The following GLRA3 variants were observed in gnomAD, a reference collection of about 807,000 sequenced individuals.
GLRA3 encodes the protein glycine receptor subunit alpha-3.
In GLRA3, 44 loss-of-function variants were observed where a neutral mutation model predicts 60.4. The observed-to-expected ratio is 0.73, with a 90% CI of 0.57 to 0.94. GLRA3 has a LOEUF of 0.94. Among genes scored for constraint, GLRA3 ranks in the 40% least tolerant of loss-of-function variants. The pLI is 0.00. For missense variants in GLRA3, 508 were observed against 564.6 expected, an observed-to-expected ratio of 0.90 and a Z score of 1.02; for synonymous variants, 223 against 192.9, an observed-to-expected ratio of 1.16 and a Z score of -1.29.
intron 3 of GLRA3, among the ~76,000 whole-genome samples, chr4:174,755,022 A>G (rs1440605657): frequency 6.6e-6 from 1 of 152,122 alleles, no homozygotes; most frequent in East Asian, 1.9e-4. Context: ...ATTATCCAAC[A>G]TTAACTTGAT....
intron 3 of GLRA3, among the ~76,000 whole-genome samples, chr4:174,748,948 C>A (rs544867967): frequency 1.2e-4 from 19 of 152,232 alleles, no homozygotes; most frequent in African/African-American, 4.6e-4. Flanking sequence ...GAGACAAAGC[C>A]ATGATCTGCT....
chr4:174,807,488 A>G (rs1740097651), intron 1 of GLRA3, among the ~76,000 whole-genome samples: 1 of 152,074 alleles, frequency 6.6e-6, no homozygotes, highest in African/African-American at 2.4e-5. Flanking sequence ...ATATGTATCT[A>G]TCCAGAAAAT....
intron 1 of GLRA3, among the ~76,000 whole-genome samples, chr4:174,804,135 A>G (rs770015142): frequency 6.6e-6 from 1 of 152,168 alleles, no homozygotes; most frequent in Non-Finnish European, 1.5e-5. Flanking sequence ...ATATCAGTTT[A>G]TATAAAACTC....
intron 3 of GLRA3, among the ~76,000 whole-genome samples, chr4:174,733,689 G>A (rs1420052211): frequency 6.6e-6 from 1 of 152,194 alleles, no homozygotes; most frequent in Non-Finnish European, 1.5e-5. Context: ...TGCCTTTGCA[G>A]AAGAAACCTC....
At chr4:174,797,407 C>T (rs1739615432) in intron 1 of GLRA3, among the ~76,000 whole-genome samples, 1 of 152,184 alleles carries the variant, frequency 6.6e-6, no homozygotes, top group South Asian at 2.1e-4. Flanking sequence ...CTCTTCTTTT[C>T]TGTGCTGCAC....
intron 3 of GLRA3, among the ~76,000 whole-genome samples, chr4:174,765,868 T>A (rs1738117745): frequency 6.6e-6 from 1 of 151,990 alleles, no homozygotes; most frequent in African/African-American, 2.4e-5. Flanking sequence ...CTTATTGTAG[T>A]TAAGCTATAC....
At position 174,709,536 on chromosome 4, in the gene GLRA3, A is replaced by C. The variant is rs577405388; in HGVS notation, c.574+5952T>G. On this transcript the variant is annotated intron_variant, in intron 5 of 9. Transcript: ENST00000274093. ...AAAAGAGAGAAAATAAATGAAAGCA[A>C]CACGTTTTCTTCATACCTAAAAGCA... 9.8e-4 allele frequency among the ~76,000 whole-genome samples: 149 copies of C among 151,718 alleles called. 1 individual carries two copies. The South Asian group carries it at 0.014, about 15-fold the overall frequency.
chr4:174,734,624 A>G (rs1281390243), intron 3 of GLRA3, among the ~76,000 whole-genome samples: 1 of 152,234 alleles, frequency 6.6e-6, no homozygotes, highest in African/African-American at 2.4e-5. Context: ...TTAAAAAGCA[A>G]TCTAATTGTG....
chr4:174,717,129 T>A (rs1447040600), intron 4 of GLRA3, among the ~76,000 whole-genome samples: 1 of 150,006 alleles, frequency 6.7e-6, no homozygotes, highest in Non-Finnish European at 1.5e-5. Flanking sequence ...AGAGTATGGC[T>A]TGAGCCCAGG....
chr4:174,734,400 G>A (rs1426510931), intron 3 of GLRA3, among the ~76,000 whole-genome samples: 1 of 152,188 alleles, frequency 6.6e-6, no homozygotes, highest in Non-Finnish European at 1.5e-5. Flanking sequence ...GCCACAGGGA[G>A]AGTTGTCGTC....
At chr4:174,765,554 A>C (rs1738107709) in intron 3 of GLRA3, among the ~76,000 whole-genome samples, 1 of 152,096 alleles carries the variant, frequency 6.6e-6, no homozygotes, top group Non-Finnish European at 1.5e-5. Context: ...AGAAGCCTAA[A>C]TAGAACAAAG....
intron 5 of GLRA3, among the ~76,000 whole-genome samples, chr4:174,711,820 G>C (rs1735729984): frequency 6.6e-6 from 1 of 151,784 alleles, no homozygotes; most frequent in South Asian, 2.1e-4. Flanking sequence ...AAATTATTCT[G>C]GACTTTTTCA....
At chr4:174,742,274 T>C (rs1253164863) in intron 3 of GLRA3, among the ~76,000 whole-genome samples, 1 of 152,130 alleles carries the variant, frequency 6.6e-6, no homozygotes, top group African/African-American at 2.4e-5. Flanking sequence ...TAAGAAAATA[T>C]ATTATTCGAG....
rs1253494708 is a variant in GLRA3 at position 174,653,442 on chromosome 4, T to A, written c.1116+3301A>T. On this transcript the variant is annotated intron_variant, in intron 9 of 9. Coordinates refer to ENST00000274093, the MANE Select transcript of GLRA3 (RefSeq NM_006529.4). ...TGCTGTTGTAAGTCAATCGTTAATA[T>A]AAAATTATTTGAAAGTTCACTCCAA... Among the ~76,000 whole-genome samples, 3 of 151,940 alleles carry A rather than the reference T, an allele frequency of 2.0e-5. No individual in the cohort carries two copies. In the South Asian group the frequency reaches 6.2e-4, roughly 31 times the overall value.
chr4:174,703,372 G>T (rs1735397998), intron 5 of GLRA3, among the ~76,000 whole-genome samples: 1 of 152,020 alleles, frequency 6.6e-6, no homozygotes, highest in Non-Finnish European at 1.5e-5. Context: ...CACTCCTAAA[G>T]TCCACCTCAC....
intron 1 of GLRA3, among the ~76,000 whole-genome samples, chr4:174,818,644 T>A (rs997704439): frequency 6.6e-6 from 1 of 152,200 alleles, no homozygotes; most frequent in Non-Finnish European, 1.5e-5. Context: ...TCTTTTCAAC[T>A]GTTTTAAGGT....
At chr4:174,678,996 T>A (rs980171022) in intron 6 of GLRA3, among the ~76,000 whole-genome samples, 2 of 152,126 alleles carry the variant, frequency 1.3e-5, no homozygotes, top group African/African-American at 4.8e-5. Context: ...CTCCACTGTG[T>A]TTTTATTTAA....
chr4:174,821,583 C>T (rs1272395764), intron 1 of GLRA3, among the ~76,000 whole-genome samples: 1 of 151,942 alleles, frequency 6.6e-6, no homozygotes, highest in African/African-American at 2.4e-5. Context: ...TAAGAAAATA[C>T]ATGATGTATC....
At chr4:174,694,146 TA>T (rs1734963293) in intron 5 of GLRA3, among the ~76,000 whole-genome samples, 1 of 152,076 alleles carries the variant, frequency 6.6e-6, no homozygotes, top group East Asian at 1.9e-4. Flanking sequence ...GCGCGAGACT[TA>T]AACACTCCAC....
Sources: gnomAD v4.1 joint callset for allele counts (sites outside exome capture counted in the v4.1 genomes callset) on GRCh38, gnomAD v4.1.1 for gene constraint, MANE v1.5 for transcripts, NCBI Gene and HGNC (gene_info 2026-07-23, HGNC 2026-07-21) for gene names.